The following CELF2 variants were observed in gnomAD, a reference collection of about 807,000 sequenced individuals.
CELF2 encodes the protein CUG triplet repeat RNA-binding protein 2.
CELF2 carries 8 observed loss-of-function variants against 62.6 expected under a neutral mutation model. That is an observed-to-expected ratio of 0.13 (90% CI 0.07 to 0.23). The LOEUF is 0.23. Among genes scored for constraint, CELF2 ranks in the 10% least tolerant of loss-of-function variants. The pLI, the probability that CELF2 is intolerant of heterozygous loss-of-function variation, is 1.00. For missense variants in CELF2, 333 were observed against 671.0 expected, an observed-to-expected ratio of 0.50 and a Z score of 5.56; for synonymous variants, 258 against 250.0, an observed-to-expected ratio of 1.03 and a Z score of -0.30.
At chr10:10,981,820 G>A (rs1312495818) in intron 2 of CELF2, among the ~76,000 whole-genome samples, 1 of 152,074 alleles carries the variant, frequency 6.6e-6, no homozygotes, top group Non-Finnish European at 1.5e-5. Flanking sequence ...AAATAATATA[G>A]TTCTCATTTT....
At chr10:10,683,896 G>C in the CELF2 span, among the ~76,000 whole-genome samples, 1 of 152,148 alleles carries the variant, frequency 6.6e-6, no homozygotes, top group Non-Finnish European at 1.5e-5. Flanking sequence ...CGTCAGGCAA[G>C]AGGGTCCCCA....
chr10:10,771,593 C>T, the CELF2 span, among the ~76,000 whole-genome samples: 1 of 152,192 alleles, frequency 6.6e-6, no homozygotes, highest in South Asian at 2.1e-4. Flanking sequence ...TTCCCCCATA[C>T]TGTTCTCGTG....
chr10:11,245,668 A>G (rs2075372129), intron 3 of CELF2, among the ~76,000 whole-genome samples: 1 of 152,238 alleles, frequency 6.6e-6, no homozygotes, highest in Non-Finnish European at 1.5e-5. Flanking sequence ...TTCTCTGAGC[A>G]GCTGCACGAA....
At chr10:10,984,321 C>T (rs796534987) in intron 2 of CELF2, among the ~76,000 whole-genome samples, 12 of 152,228 alleles carry the variant, frequency 7.9e-5, no homozygotes, top group African/African-American at 2.4e-4. Context: ...TTGTTTAATG[C>T]GAGCAATGCA....
At chr10:10,581,242 A>G in the CELF2 span, among the ~76,000 whole-genome samples, 16 of 152,204 alleles carry the variant, frequency 1.1e-4, no homozygotes, top group African/African-American at 3.6e-4. Flanking sequence ...TGCTCCCCAG[A>G]TATTAGTTTA....
the CELF2 span, among the ~76,000 whole-genome samples, chr10:10,601,544 A>G: frequency 6.6e-6 from 1 of 152,152 alleles, no homozygotes; most frequent in East Asian, 1.9e-4. Flanking sequence ...CATTTAAACG[A>G]CAGTTGGTTT....
In CELF2 at chr10:11,318,463, T is replaced by C. The variant is rs951350718; in HGVS notation, c.1097-2726T>C. ...CCAGGGAAACAGGGCTGGCCACAGC[T>C]GTCTCCTACATGCACAGCACCAGCA... On this transcript the variant is annotated intron_variant, in intron 10 of 12. Transcript: ENST00000633077. The surrounding 1 kb of genome is among the most constrained non-coding windows in gnomAD (Gnocchi z 5.4). 9.2e-6 allele frequency: 3 copies of C among 324,876 alleles called. No individual in the cohort carries two copies. Among genetic ancestry groups the C allele is most frequent in the Non-Finnish European group, 1.8e-5 (3 of 166,692 alleles). 20.1% of individuals were successfully genotyped at this position (324,876 alleles called of 1,614,324 possible). A position where few individuals can be genotyped will look rare whatever the true frequency, so the allele number is the denominator to read the frequency against.
intron 1 of CELF2, among the ~76,000 whole-genome samples, chr10:10,834,714 G>C (rs7901607): frequency 0.61 from 92,159 of 152,044 alleles, 29,403 homozygotes; most frequent in East Asian, 0.92. Context: ...GGAAGCTCAC[G>C]AGAAATCTTC....
intron 1 of CELF2, among the ~76,000 whole-genome samples, chr10:10,885,472 A>G (rs1365714994): frequency 2.0e-5 from 3 of 151,770 alleles, no homozygotes; most frequent in Non-Finnish European, 4.4e-5. Flanking sequence ...ATTTATTGTG[A>G]TGAACTGTAT....
chr10:10,770,740 A>G, the CELF2 span, among the ~76,000 whole-genome samples: 2 of 150,002 alleles, frequency 1.3e-5, no homozygotes, highest in African/African-American at 5.0e-5. Flanking sequence ...TTCATTCTAT[A>G]TCTCATGATT....
chr10:11,024,218 G>A (rs2058768705), intron 1 of CELF2, among the ~76,000 whole-genome samples: 1 of 152,192 alleles, frequency 6.6e-6, no homozygotes, highest in South Asian at 2.1e-4. Context: ...CAGCAGCCCA[G>A]GAGTCACCTA....
chr10:11,074,984 T>A (rs1294655400), intron 1 of CELF2: 2 of 152,252 alleles, frequency 1.3e-5, no homozygotes, highest in Admixed American at 6.5e-5. Flanking sequence ...AGAACTGGTT[T>A]GCATGTAGGT....
Position 11,311,985 on chromosome 10 carries a change from T to G in CELF2, c.977-2154T>G, listed in dbSNP as rs2094582741. On this transcript the variant is annotated intron_variant, in intron 9 of 12. Transcript: ENST00000633077. This position sits in a 1 kb window ranked among gnomAD's most constrained non-coding sequence, Gnocchi z 4.7. ...TCCAAGCAGTGAAAATAAAAATCAA[T>G]CTAAACTTGGAAGCACCATAGTGAT... is the stretch of plus-strand genomic sequence containing the variant. 6.6e-6 allele frequency among the ~76,000 whole-genome samples: 1 copy of G among 152,074 alleles called. No individual in the cohort carries two copies.
At chr10:11,062,901 T>A (rs1291844) in intron 1 of CELF2, among the ~76,000 whole-genome samples, 7,481 of 149,978 alleles carry the variant, frequency 0.05, 271 homozygotes, top group African/African-American at 0.11. Flanking sequence ...AACTTCATGG[T>A]TGTCCTGTTT....
At chr10:10,791,679 G>A in the CELF2 span, among the ~76,000 whole-genome samples, 1,492 of 152,150 alleles carry the variant, frequency 9.8e-3, 11 homozygotes, top group South Asian at 0.021. Flanking sequence ...TCTGTGAATT[G>A]TTTTCTTATC....
chr10:11,086,088 A>T (rs988914780), intron 1 of CELF2, among the ~76,000 whole-genome samples: 2 of 152,124 alleles, frequency 1.3e-5, no homozygotes, highest in Non-Finnish European at 2.9e-5. Flanking sequence ...ATATTTGACA[A>T]TCTCCTGGAC....
At chr10:11,150,557 T>C (rs1403381413) in intron 1 of CELF2, among the ~76,000 whole-genome samples, 1 of 152,264 alleles carries the variant, frequency 6.6e-6, no homozygotes, top group Non-Finnish European at 1.5e-5. Flanking sequence ...GTGGAGATTA[T>C]GGTTGAACCA....
chr10:11,192,188 G>T (rs540507958), intron 2 of CELF2, among the ~76,000 whole-genome samples: 1 of 152,300 alleles, frequency 6.6e-6, no homozygotes, highest in East Asian at 1.9e-4. Context: ...GTTGAGATGG[G>T]GCTCTTCCAG....
chr10:11,179,455 TG>T (rs2072485876), intron 2 of CELF2, among the ~76,000 whole-genome samples: 1 of 152,222 alleles, frequency 6.6e-6, no homozygotes, highest in African/African-American at 2.4e-5. Context: ...GCTCGGTGCC[TG>T]ACATGGAATA....
Sources: gnomAD v4.1 joint callset for allele counts (sites outside exome capture counted in the v4.1 genomes callset) on GRCh38, gnomAD v4.1.1 for gene constraint, Gnocchi (gnomAD v3.1) non-coding constraint, MANE v1.5 for transcripts, NCBI Gene and HGNC (gene_info 2026-07-23, HGNC 2026-07-21) for gene names.